UST: variants seen among roughly 807,000 people sequenced by gnomAD.
The protein encoded by UST is uronyl 2-sulfotransferase.
In UST, 21 loss-of-function variants were observed where a neutral mutation model predicts 45.6. The ratio of observed to expected loss-of-function variants is 0.46; its 90% confidence interval spans 0.33 to 0.66. The LOEUF (loss-of-function observed/expected upper bound fraction) is 0.66, where lower values mean the gene tolerates loss of function less well. Among genes scored for constraint, UST ranks in the 30% least tolerant of loss-of-function variants. The pLI is 0.02. For synonymous variants in UST, 215 were observed against 200.6 expected, an observed-to-expected ratio of 1.07 and a Z score of -0.61; for missense variants, 463 against 512.4, an observed-to-expected ratio of 0.90 and a Z score of 0.93.
chr6:148,899,512 C>A (rs1779207595), intron 2 of UST, among the ~76,000 whole-genome samples: 1 of 152,108 alleles, frequency 6.6e-6, no homozygotes. Flanking sequence ...TATAGACTAG[C>A]AGGAAAAAAT....
chr6:148,913,593 G>A lies in UST; in HGVS notation c.291+26564G>A, dbSNP rs147854799. 1.5e-4 allele frequency among the ~76,000 whole-genome samples: 23 copies of A among 152,170 alleles called. 2 individuals carry two copies. Among genetic ancestry groups the A allele is most frequent in the African/African-American group, 5.1e-4 (21 of 41,524 alleles). ...TTTCAGGAGAAAACCGTAATAGTGAGTAGTTATCCTTTTCTTAGGATTTTG... is the reference window on the plus strand; with the variant it reads ...TTTCAGGAGAAAACCGTAATAGTGAATAGTTATCCTTTTCTTAGGATTTTG... On this transcript the variant is annotated intron_variant, in intron 2 of 7. Coordinates refer to ENST00000367463, the MANE Select transcript of UST (RefSeq NM_005715.3).
intron 5 of UST, among the ~76,000 whole-genome samples, chr6:148,985,471 G>T (rs1260100792): frequency 6.6e-6 from 1 of 152,120 alleles, no homozygotes; most frequent in African/African-American, 2.4e-5. Flanking sequence ...CAGAGAATCA[G>T]AGGAAAAAAG....
intron 1 of UST, among the ~76,000 whole-genome samples, chr6:148,764,760 T>A (rs1451861699): frequency 6.6e-6 from 1 of 151,942 alleles, no homozygotes; most frequent in Non-Finnish European, 1.5e-5. Context: ...CAACAAAAGG[T>A]CACAAGGCAG....
At chr6:148,788,198 G>A (rs1284390796) in intron 1 of UST, among the ~76,000 whole-genome samples, 1 of 152,074 alleles carries the variant, frequency 6.6e-6, no homozygotes, top group East Asian at 1.9e-4. Context: ...TTACTACCAC[G>A]AGAACAGTAT....
intron 1 of UST, among the ~76,000 whole-genome samples, chr6:148,755,963 C>G (rs560860682): frequency 1.3e-5 from 2 of 151,518 alleles, no homozygotes; most frequent in African/African-American, 4.8e-5. Flanking sequence ...CCCATTAACT[C>G]GTCATTTACA....
rs1407991294 is a variant in UST at position 148,789,997 on chromosome 6, T to G, written c.247+42320T>G. 2.0e-5 allele frequency among the ~76,000 whole-genome samples: 3 copies of G among 151,652 alleles called. No homozygotes were observed. The East Asian group carries it at 5.8e-4, about 29-fold the overall frequency. The stretch of plus-strand genomic sequence containing the variant: ...ATCAAGATTTCAGGATTCTTTTTTT[T>G]TTTTTTTTTTTCCAGCTTTAAGTGC... On this transcript the variant is annotated intron_variant, in intron 1 of 7. Coordinates refer to ENST00000367463, the MANE Select transcript of UST (RefSeq NM_005715.3).
In UST at chr6:148,748,166, C is replaced by G. The variant is rs1467664609; in HGVS notation, c.247+489C>G. Among the ~76,000 whole-genome samples the G allele has an allele frequency of 6.6e-6, 1 of 152,146 alleles. No homozygotes were observed. Among genetic ancestry groups the G allele is most frequent in the African/African-American group, 2.4e-5 (1 of 41,460 alleles). ...CACCGTCCGCTCTGAGAATTCTGTC[C>G]CGCAGATCCCCCGCCTGCCCGCCGG... is the stretch of plus-strand genomic sequence containing the variant. On this transcript the variant is annotated intron_variant, in intron 1 of 7. Coordinates refer to ENST00000367463, the MANE Select transcript of UST (RefSeq NM_005715.3). This position sits in a 1 kb window ranked among gnomAD's most constrained non-coding sequence, Gnocchi z 5.3.
In UST at chr6:149,073,878, T is replaced by C; in HGVS notation, c.983T>C (p.Val328Ala). The change falls in exon 8 of 8, where the codon GTC becomes GCC. Residue 328 changes from valine to alanine, a missense_variant. Val to Ala is a moderately conservative substitution (Grantham distance 64). This residue lies in a region of UST where 287 missense variants were observed against 374.2 expected (regional missense o/e 0.77). Transcript: ENST00000367463. The part of the protein sequence containing the change: ...GNMTVTVKKT[V>A]PSPEAVQILY... ...ATGACTGTGACGGTGAAGAAGACTG[T>C]CCCCTCTCCTGAGGCTGTGCAGATC... The C allele has an allele frequency of 3.7e-6, 6 of 1,614,156 alleles. No individual in the cohort carries two copies. Among genetic ancestry groups the C allele is most frequent in the Non-Finnish European group, 5.1e-6 (6 of 1,180,006 alleles).
intron 1 of UST, among the ~76,000 whole-genome samples, chr6:148,857,326 T>C (rs1778224053): frequency 6.6e-6 from 1 of 152,172 alleles, no homozygotes; most frequent in South Asian, 2.1e-4. Flanking sequence ...GGTTTCCCAC[T>C]GTAAATGTAT....
At chr6:148,843,497 G>A (rs961124069) in intron 1 of UST, among the ~76,000 whole-genome samples, 1 of 152,184 alleles carries the variant, frequency 6.6e-6, no homozygotes, top group African/African-American at 2.4e-5. Context: ...CTAATGTTTT[G>A]AAGTGTCAGT....
chr6:148,882,674 G>T (rs918329694), intron 1 of UST, among the ~76,000 whole-genome samples: 35 of 152,024 alleles, frequency 2.3e-4, no homozygotes, highest in African/African-American at 8.5e-4. Flanking sequence ...TGGAGCAGGA[G>T]GTGTCAACAG....
intron 7 of UST, among the ~76,000 whole-genome samples, chr6:149,027,147 T>C (rs887204200): frequency 9.2e-5 from 14 of 152,212 alleles, no homozygotes; most frequent in African/African-American, 3.4e-4. Context: ...ACTGATTTCA[T>C]TGACGTTGCA....
chr6:148,826,437 T>C (rs1777568827), intron 1 of UST, among the ~76,000 whole-genome samples: 1 of 151,952 alleles, frequency 6.6e-6, no homozygotes, highest in Non-Finnish European at 1.5e-5. Flanking sequence ...ATCATGTTTT[T>C]TTTTTTAAAT....
At chr6:148,912,351 C>G (rs146153089) in intron 2 of UST, among the ~76,000 whole-genome samples, 1 of 152,216 alleles carries the variant, frequency 6.6e-6, no homozygotes, top group South Asian at 2.1e-4. Context: ...GGCTGCTTAT[C>G]AGAGGACATA....
At position 148,906,792 on chromosome 6, in the gene UST, A is replaced by G. The variant is rs116159172; in HGVS notation, c.291+19763A>G. On this transcript the variant is annotated intron_variant, in intron 2 of 7. Coordinates refer to ENST00000367463, the MANE Select transcript of UST (RefSeq NM_005715.3). ...TTGTTGAGAGAATTAATTGAAAGAA[A>G]CCATCTAAAATGCTTAGCACAGGCC... 5.9e-3 allele frequency among the ~76,000 whole-genome samples: 902 copies of G among 152,334 alleles called. 9 individuals are homozygous for G. Among genetic ancestry groups the G allele is most frequent in the African/African-American group, 0.02 (845 of 41,568 alleles).
At position 148,748,356 on chromosome 6, in the gene UST, G is replaced by A. The variant is rs1775917879; in HGVS notation, c.247+679G>A. On this transcript the variant is annotated intron_variant, in intron 1 of 7. Coordinates refer to ENST00000367463, the MANE Select transcript of UST (RefSeq NM_005715.3). This position sits in a 1 kb window ranked among gnomAD's most constrained non-coding sequence, Gnocchi z 5.3. ...CCAGCAGTGTCGCCCCCAGTAACCCGAGGATCCTCGGCGCTGTGTGCGTCT... is the reference window on the plus strand; with the variant it reads ...CCAGCAGTGTCGCCCCCAGTAACCCAAGGATCCTCGGCGCTGTGTGCGTCT... Among the ~76,000 whole-genome samples the A allele has an allele frequency of 6.6e-6, 1 of 151,332 alleles. No individual in the cohort carries two copies. The highest frequency in any genetic ancestry group is 1.5e-5 in the Non-Finnish European group (1 of 67,970).
At chr6:148,821,897 T>A (rs1777472850) in intron 1 of UST, among the ~76,000 whole-genome samples, 1 of 152,228 alleles carries the variant, frequency 6.6e-6, no homozygotes, top group Non-Finnish European at 1.5e-5. Flanking sequence ...ATTTTGATGC[T>A]CAAGTTTTCC....
chr6:148,828,274 T>G (rs1295737009), intron 1 of UST, among the ~76,000 whole-genome samples: 1 of 148,050 alleles, frequency 6.8e-6, no homozygotes, highest in Non-Finnish European at 1.5e-5. Context: ...AAGAACACTA[T>G]AATTGTGCTC....
chr6:148,960,427 C>CT, intron 4 of UST, among the ~76,000 whole-genome samples: 1 of 152,314 alleles, frequency 6.6e-6, no homozygotes, highest in East Asian at 1.9e-4. Context: ...GGTCAAAGCC[C>CT]TGGGCCTCTG....
Sources: gnomAD v4.1 joint callset for allele counts (sites outside exome capture counted in the v4.1 genomes callset) on GRCh38, gnomAD v4.1.1 for gene constraint, gnomAD v4.1.1 regional missense constraint, Gnocchi (gnomAD v3.1) non-coding constraint, MANE v1.5 for transcripts, NCBI Gene and HGNC (gene_info 2026-07-23, HGNC 2026-07-21) for gene names.